The following SLC44A5 variants were observed in gnomAD, a reference collection of about 807,000 sequenced individuals.
SLC44A5 encodes choline transporter-like protein 5.
SLC44A5 carries 57 observed loss-of-function variants against 101.8 expected under a neutral mutation model. The ratio of observed to expected loss-of-function variants is 0.56; its 90% confidence interval spans 0.45 to 0.70. The LOEUF (loss-of-function observed/expected upper bound fraction) is 0.70, where lower values mean the gene tolerates loss of function less well. Ranked by LOEUF, SLC44A5 falls within the 30% of genes least tolerant of loss-of-function variation. The pLI is 0.00. For synonymous variants in SLC44A5, 281 were observed against 290.9 expected, an observed-to-expected ratio of 0.97 and a Z score of 0.35; for missense variants, 737 against 853.1, an observed-to-expected ratio of 0.86 and a Z score of 1.70.
the SLC44A5 span, among the ~76,000 whole-genome samples, chr1:75,707,623 C>G: frequency 6.6e-6 from 1 of 152,078 alleles, no homozygotes; most frequent in African/African-American, 2.4e-5. Flanking sequence ...TGACGGATCC[C>G]CCACAAATAA....
intron 2 of SLC44A5, among the ~76,000 whole-genome samples, chr1:75,511,122 G>A (rs572310299): frequency 1.2e-4 from 19 of 152,212 alleles, no homozygotes; most frequent in African/African-American, 4.6e-4. Context: ...CAGCCTGGGC[G>A]ACGGAGCGAG....
At chr1:75,481,016 A>G (rs558469325) in intron 2 of SLC44A5, among the ~76,000 whole-genome samples, 4 of 152,338 alleles carry the variant, frequency 2.6e-5, no homozygotes, top group African/African-American at 4.8e-5. Context: ...CTACAAGGCT[A>G]CAGTAACCAA....
intron 5 of SLC44A5, among the ~76,000 whole-genome samples, chr1:75,293,064 C>T (rs995077299): frequency 6.6e-6 from 1 of 152,140 alleles, no homozygotes; most frequent in Non-Finnish European, 1.5e-5. Context: ...ACATGTGCTT[C>T]ATGTGTGCAT....
At chr1:75,390,410 C>CA (rs34118379) in intron 3 of SLC44A5, among the ~76,000 whole-genome samples, 33,537 of 88,054 alleles carry the variant, frequency 0.38, 4,650 homozygotes, top group African/African-American at 0.48. Flanking sequence ...AAATCCTTAA[C>CA]AAAAAAAAAA....
the SLC44A5 span, among the ~76,000 whole-genome samples, chr1:75,695,130 A>G: frequency 6.6e-6 from 1 of 152,166 alleles, no homozygotes; most frequent in African/African-American, 2.4e-5. Context: ...TTATGTCACC[A>G]AATTTAATTT....
intron 2 of SLC44A5, among the ~76,000 whole-genome samples, chr1:75,493,501 A>T (rs139292831): frequency 1.2e-3 from 177 of 152,334 alleles, no homozygotes; most frequent in African/African-American, 4.1e-3. Flanking sequence ...CAGCAAATCT[A>T]TTAGAGAAGA....
intron 12 of SLC44A5, among the ~76,000 whole-genome samples, chr1:75,232,359 G>C (rs1647654609): frequency 6.6e-6 from 1 of 152,032 alleles, no homozygotes; most frequent in African/African-American, 2.4e-5. Flanking sequence ...AAGAGTGATT[G>C]AATCACAAGC....
the SLC44A5 span, among the ~76,000 whole-genome samples, chr1:75,692,294 A>G: frequency 1.3e-5 from 2 of 148,750 alleles, no homozygotes; most frequent in Admixed American, 6.8e-5. Flanking sequence ...CCTGGGCTCA[A>G]GTGATTCTCC....
the SLC44A5 span, among the ~76,000 whole-genome samples, chr1:75,616,562 C>G: frequency 1.3e-5 from 2 of 152,248 alleles, no homozygotes; most frequent in Non-Finnish European, 2.9e-5. Context: ...ACGGCACTGT[C>G]CCTTGCGACC....
At chr1:75,593,703 G>A (rs961790815) in intron 1 of SLC44A5, among the ~76,000 whole-genome samples, 1 of 152,006 alleles carries the variant, frequency 6.6e-6, no homozygotes, top group African/African-American at 2.4e-5. Flanking sequence ...GATGGAACTC[G>A]GGATTATTAT....
the SLC44A5 span, among the ~76,000 whole-genome samples, chr1:75,657,210 T>C: frequency 6.6e-6 from 1 of 151,948 alleles, no homozygotes; most frequent in Non-Finnish European, 1.5e-5. Flanking sequence ...TCCAACTATA[T>C]GCTGCCTACA....
chr1:75,300,760 A>G, intron 4 of SLC44A5, 75 bp from the exon 5 acceptor site: 1 of 895,738 alleles, frequency 1.1e-6, no homozygotes, highest in Middle Eastern at 2.7e-4. Context: ...AAATGAAGGA[A>G]GAGAGAAAAA....
At chr1:75,340,477 T>C (rs1225373392) in intron 3 of SLC44A5, among the ~76,000 whole-genome samples, 3 of 152,220 alleles carry the variant, frequency 2.0e-5, no homozygotes, top group Non-Finnish European at 4.4e-5. Flanking sequence ...AAAATTTTCC[T>C]GTTTGAGACA....
the SLC44A5 span, among the ~76,000 whole-genome samples, chr1:75,704,400 G>T: frequency 6.6e-6 from 1 of 152,032 alleles, no homozygotes; most frequent in African/African-American, 2.4e-5. Context: ...GACGGGGGAG[G>T]ACTGCTTGAG....
At chr1:75,506,907 C>CTT (rs61554987) in intron 2 of SLC44A5, among the ~76,000 whole-genome samples, 2,680 of 68,800 alleles carry the variant, frequency 0.039, 170 homozygotes, top group African/African-American at 0.067. Context: ...TATTCCTATT[C>CTT]TTTTTTTTTT....
At chr1:75,651,195 C>CT in the SLC44A5 span, among the ~76,000 whole-genome samples, 3 of 152,162 alleles carry the variant, frequency 2.0e-5, no homozygotes, top group Non-Finnish European at 4.4e-5. Flanking sequence ...GTATTCCTAA[C>CT]TATGCTAAAT....
intron 2 of SLC44A5, among the ~76,000 whole-genome samples, chr1:75,473,836 C>T (rs903449932): frequency 6.6e-6 from 1 of 152,006 alleles, no homozygotes; most frequent in African/African-American, 2.4e-5. Flanking sequence ...TGTCCAATAG[C>T]AAATTTGTCC....
At chr1:75,553,012 G>A (rs183530301) in intron 1 of SLC44A5, among the ~76,000 whole-genome samples, 108 of 152,100 alleles carry the variant, frequency 7.1e-4, no homozygotes, top group African/African-American at 2.5e-3. Context: ...CAAAAATTAC[G>A]TACCAAGTCA....
chr1:75,361,264 T>C (rs895816765), intron 3 of SLC44A5, among the ~76,000 whole-genome samples: 1 of 152,134 alleles, frequency 6.6e-6, no homozygotes, highest in African/African-American at 2.4e-5. Flanking sequence ...AAGCAGACAA[T>C]TTCACGTCTT....
Sources: gnomAD v4.1 joint callset for allele counts (sites outside exome capture counted in the v4.1 genomes callset) on GRCh38, gnomAD v4.1.1 for gene constraint, MANE v1.5 for transcripts, NCBI Gene and HGNC (gene_info 2026-07-23, HGNC 2026-07-21) for gene names.